Variants in DSE observed in about 807,000 individuals in gnomAD.
DSE encodes the protein dermatan-sulfate epimerase.
In DSE, 36 loss-of-function variants were observed where a neutral mutation model predicts 84.4. The observed-to-expected ratio is 0.43, with a 90% CI of 0.33 to 0.56. DSE has a LOEUF of 0.56. Among genes scored for constraint, DSE ranks in the 20% least tolerant of loss-of-function variants. The pLI, the probability that DSE is intolerant of heterozygous loss-of-function variation, is 0.06. For synonymous variants in DSE, 410 were observed against 430.1 expected (o/e 0.95, Z 0.58); for missense variants, 862 against 1,169.6 (o/e 0.74, Z 3.84).
intron 2 of DSE, among the ~76,000 whole-genome samples, chr6:116,311,680 C>T (rs1775703435): frequency 6.6e-6 from 1 of 152,238 alleles, no homozygotes; most frequent in African/African-American, 2.4e-5. Context: ...CCTCTGCTTT[C>T]CTGCTCTGGG....
intron 2 of DSE, among the ~76,000 whole-genome samples, chr6:116,311,449 G>A (rs941936201): frequency 9.2e-5 from 14 of 152,184 alleles, no homozygotes; most frequent in Non-Finnish European, 1.5e-5. Context: ...GATTCTGTTT[G>A]ATTCCACCAG....
rs537067337 is a variant in DSE at position 116,412,341 on chromosome 6, C to A, written c.416+12675C>A. 3 of 152,272 alleles carry A rather than the reference C, an allele frequency of 2.0e-5. No individual in the cohort carries two copies. In the South Asian group the frequency reaches 6.2e-4, roughly 32 times the overall value. The allele number at this position is 152,272 out of a possible 1,614,324, so 9.4% of individuals were successfully genotyped here. A position where few individuals can be genotyped will look rare whatever the true frequency, so the allele number is the denominator to read the frequency against. ...CCATTTAGTGTCTTCATGCCTGCCC[C>A]CTTCATACAACACCATCTGCCCTCT... On this transcript the variant is annotated intron_variant, in intron 2 of 5. Transcript: ENST00000644252.
At chr6:116,317,425 A>G (rs893057541) in intron 2 of DSE, among the ~76,000 whole-genome samples, 2 of 152,226 alleles carry the variant, frequency 1.3e-5, no homozygotes, top group African/African-American at 4.8e-5. Flanking sequence ...TATGTGTCCA[A>G]GATGTGTCCT....
chr6:116,289,581 T>C (rs549840162), intron 2 of DSE, among the ~76,000 whole-genome samples: 8 of 152,018 alleles, frequency 5.3e-5, no homozygotes, highest in Non-Finnish European at 1.0e-4. Context: ...AATGGAAATA[T>C]AGTCCTAGGG....
intron 2 of DSE, among the ~76,000 whole-genome samples, chr6:116,292,539 A>G (rs1405803551): frequency 1.3e-5 from 2 of 152,170 alleles, no homozygotes; most frequent in Non-Finnish European, 2.9e-5. Flanking sequence ...TTGTCAGTAT[A>G]GAAAAGGGGA....
intron 2 of DSE, among the ~76,000 whole-genome samples, chr6:116,296,794 A>C (rs1054358715): frequency 1.3e-5 from 2 of 152,188 alleles, no homozygotes; most frequent in Admixed American, 1.3e-4. Context: ...ATTTTATTCT[A>C]GTTACAATGA....
At chr6:116,287,536 A>G (rs1013206) in intron 2 of DSE, among the ~76,000 whole-genome samples, 4,372 of 152,164 alleles carry the variant, frequency 0.029, 209 homozygotes, top group African/African-American at 0.096. Context: ...CTCAAATTAG[A>G]TGAAATACCA....
intron 4 of DSE, 93 bp downstream of exon 4, chr6:116,431,286 C>T (rs1027473472): frequency 4.4e-5 from 65 of 1,481,246 alleles, no homozygotes; most frequent in Non-Finnish European, 5.6e-5. Flanking sequence ...AAATTAGGTC[C>T]TTAGAGTTTG....
intron 1 of DSE, chr6:116,255,793 A>C (rs2114583605): frequency 6.6e-6 from 1 of 152,362 alleles, no homozygotes; most frequent in East Asian, 1.9e-4. Context: ...ATACTGAATG[A>C]AAGTTACTTT....
intron 2 of DSE, among the ~76,000 whole-genome samples, chr6:116,342,894 G>C (rs1777699328): frequency 6.6e-6 from 1 of 152,122 alleles, no homozygotes; most frequent in Non-Finnish European, 1.5e-5. Flanking sequence ...CCCTTTCCTA[G>C]CCAAGGAAAG....
intron 2 of DSE, among the ~76,000 whole-genome samples, chr6:116,327,162 C>T (rs944926100): frequency 2.0e-5 from 3 of 152,192 alleles, no homozygotes; most frequent in Non-Finnish European, 2.9e-5. Flanking sequence ...ATTGGAATCT[C>T]CAGCTTATAG....
At chr6:116,312,284 T>C (rs1439741482) in intron 2 of DSE, among the ~76,000 whole-genome samples, 1 of 152,230 alleles carries the variant, frequency 6.6e-6, no homozygotes, top group Non-Finnish European at 1.5e-5. Context: ...CCTCCATAAA[T>C]ATATTTTGAA....
At chr6:116,420,773 T>A (rs1039959457) in intron 2 of DSE, among the ~76,000 whole-genome samples, 6 of 152,290 alleles carry the variant, frequency 3.9e-5, no homozygotes, top group Middle Eastern at 3.4e-3. Context: ...TATATGAAAA[T>A]TTTAAAAATA....
At chr6:116,394,425 C>T (rs890750831) in intron 1 of DSE, among the ~76,000 whole-genome samples, 2 of 149,716 alleles carry the variant, frequency 1.3e-5, no homozygotes, top group African/African-American at 4.9e-5. Context: ...TGAATTATAG[C>T]AGTAACAGCG....
intron 2 of DSE, among the ~76,000 whole-genome samples, chr6:116,282,831 C>G (rs141213907): frequency 6.6e-6 from 1 of 152,040 alleles, no homozygotes; most frequent in African/African-American, 2.4e-5. Context: ...TACTTTATGT[C>G]CTATTTTTTT....
chr6:116,361,355 G>A lies in DSE; in HGVS notation c.-53-37843G>A, dbSNP rs191185350. Among the ~76,000 whole-genome samples, 1,107 of 152,226 alleles carry A rather than the reference G, an allele frequency of 7.3e-3. 16 individuals are homozygous for A. Among genetic ancestry groups the A allele is most frequent in the African/African-American group, 0.025 (1,030 of 41,550 alleles). Reference sequence around the variant, plus strand: ...ATTACAGGTGTGAGCCACTGCACCCGGCCGAATATAAGTTTTAACATCAAG... The same window carrying A: ...ATTACAGGTGTGAGCCACTGCACCCAGCCGAATATAAGTTTTAACATCAAG... On this transcript the variant is annotated intron_variant, in intron 2 of 3. Transcript: ENST00000430252.
chr6:116,275,539 G>A (rs564316087), intron 2 of DSE, among the ~76,000 whole-genome samples: 1 of 152,272 alleles, frequency 6.6e-6, no homozygotes, highest in East Asian at 1.9e-4. Flanking sequence ...GGTGGCTCAC[G>A]CCTGTAATCC....
intron 2 of DSE, among the ~76,000 whole-genome samples, chr6:116,356,960 C>A (rs1778610450): frequency 6.6e-6 from 1 of 152,190 alleles, no homozygotes; most frequent in Non-Finnish European, 1.5e-5. Context: ...CAGATGCCTC[C>A]TCTTTTCACC....
intron 2 of DSE, among the ~76,000 whole-genome samples, chr6:116,294,304 T>C (rs912675595): frequency 1.3e-5 from 2 of 152,138 alleles, no homozygotes; most frequent in South Asian, 2.1e-4. Context: ...ATTATAGGAG[T>C]GAGCCACTGT....
Sources: allele counts gnomAD v4.1 joint callset (sites outside exome capture counted in the v4.1 genomes callset), GRCh38; gene constraint gnomAD v4.1.1; transcripts MANE v1.5; gene names NCBI Gene and HGNC (gene_info 2026-07-23, HGNC 2026-07-21).